The following FHIT variants were observed in gnomAD, a reference collection of about 807,000 sequenced individuals.
FHIT encodes fragile histidine triad diadenosine triphosphatase, also known as bis(5'-adenosyl)-triphosphatase.
FHIT carries 19 observed loss-of-function variants against 17.9 expected under a neutral mutation model. That is an observed-to-expected ratio of 1.06 (90% confidence interval 0.74 to 1.56). The LOEUF (loss-of-function observed/expected upper bound fraction) is 1.56, where lower values mean the gene tolerates loss of function less well. Among genes scored for constraint, FHIT ranks in the 40% most tolerant of loss-of-function variants. FHIT has a pLI of 0.00. For synonymous variants in FHIT, 81 were observed against 69.7 expected (o/e 1.16, Z -0.81); for missense variants, 248 against 189.2 (o/e 1.31, Z -1.82).
At chr3:60,827,932 G>A (rs556174705) in intron 3 of FHIT, among the ~76,000 whole-genome samples, 1 of 152,336 alleles carries the variant, frequency 6.6e-6, no homozygotes, top group Non-Finnish European at 1.5e-5. Context: ...CATGAGGACA[G>A]ATAATTCTGT....
intron 5 of FHIT, among the ~76,000 whole-genome samples, chr3:60,152,818 A>G (rs913584991): frequency 6.6e-6 from 1 of 152,132 alleles, no homozygotes; most frequent in African/African-American, 2.4e-5. Flanking sequence ...ACTTTTTAAA[A>G]ATCATTCCCA....
chr3:60,548,965 C>A lies in FHIT; in HGVS notation c.-17-11986G>T, dbSNP rs1033664213. Among the ~76,000 whole-genome samples the A allele has an allele frequency of 2.0e-5, 3 of 152,172 alleles. No individual in the cohort carries two copies. In the East Asian group the frequency reaches 5.8e-4, roughly 29 times the overall value. On this transcript the variant is annotated intron_variant, in intron 4 of 9. Coordinates refer to ENST00000492590, the MANE Select transcript of FHIT (RefSeq NM_002012.4). The stretch of plus-strand genomic sequence containing the variant: ...TTCCAATTCATTTTATGAACTCAGG[C>A]AAGTTCCTTAGCTTCTTTAAATTTG...
At chr3:60,261,266 C>G (rs1706282924) in intron 5 of FHIT, among the ~76,000 whole-genome samples, 3 of 151,978 alleles carry the variant, frequency 2.0e-5, no homozygotes, top group Admixed American at 2.0e-4. Context: ...TTCTTAGGCT[C>G]TGGATTGGTA....
chr3:61,203,572 T>C (rs976754291), intron 1 of FHIT, among the ~76,000 whole-genome samples: 10 of 152,120 alleles, frequency 6.6e-5, no homozygotes, highest in African/African-American at 7.2e-5. Context: ...AACAGAGAAA[T>C]TAGTAAGCAT....
chr3:60,863,430 C>T (rs2594119), intron 3 of FHIT, among the ~76,000 whole-genome samples: 7,420 of 152,270 alleles, frequency 0.049, 233 homozygotes, highest in South Asian at 0.11. Context: ...TCACTAAATT[C>T]ATCATAGTTT....
intron 5 of FHIT, among the ~76,000 whole-genome samples, chr3:60,308,139 A>T (rs1452596408): frequency 6.6e-6 from 1 of 152,094 alleles, no homozygotes; most frequent in East Asian, 1.9e-4. Context: ...AGCTCAAGTC[A>T]CCCATATAAG....
intron 4 of FHIT, among the ~76,000 whole-genome samples, chr3:60,717,282 G>T (rs902971515): frequency 6.6e-6 from 1 of 151,906 alleles, no homozygotes; most frequent in Non-Finnish European, 1.5e-5. Flanking sequence ...TTGGTAAGAG[G>T]TTAGATCTTA....
chr3:59,785,418 T>C (rs553580059), intron 8 of FHIT, among the ~76,000 whole-genome samples: 2 of 151,914 alleles, frequency 1.3e-5, no homozygotes, highest in African/African-American at 2.4e-5. Context: ...TAAGCAATTC[T>C]CCTGCCTCAA....
intron 4 of FHIT, among the ~76,000 whole-genome samples, chr3:60,569,514 G>T (rs1296901975): frequency 2.0e-5 from 3 of 151,630 alleles, no homozygotes; most frequent in African/African-American, 4.8e-5. Flanking sequence ...TAATGAGTTA[G>T]CAGGATCACC....
chr3:60,882,926 T>C (rs1169069510), intron 3 of FHIT, among the ~76,000 whole-genome samples: 4 of 152,142 alleles, frequency 2.6e-5, no homozygotes, highest in African/African-American at 7.2e-5. Flanking sequence ...AGTCAAATTG[T>C]CCCTGTTTAC....
At chr3:59,902,838 TATAAG>T (rs1341576327) in intron 8 of FHIT, among the ~76,000 whole-genome samples, 11 of 152,284 alleles carry the variant, frequency 7.2e-5, no homozygotes, top group Non-Finnish European at 1.6e-4. Flanking sequence ...AACTTTCAGT[TATAAG>T]ATAAGTAAGT....
intron 5 of FHIT, among the ~76,000 whole-genome samples, chr3:60,473,243 C>T (rs3856654): frequency 0.44 from 66,308 of 152,018 alleles, 15,871 homozygotes; most frequent in African/African-American, 0.62. Context: ...AGATAGCTGG[C>T]TTCTTCGATA....
intron 2 of FHIT, among the ~76,000 whole-genome samples, chr3:61,049,874 G>A (rs1045290407): frequency 7.9e-5 from 12 of 152,034 alleles, no homozygotes; most frequent in Non-Finnish European, 1.8e-4. Context: ...CCATTTTAGA[G>A]GTGCCCTCCT....
At chr3:59,867,585 C>A (rs774653843) in intron 8 of FHIT, among the ~76,000 whole-genome samples, 2 of 152,024 alleles carry the variant, frequency 1.3e-5, no homozygotes, top group Non-Finnish European at 2.9e-5. Flanking sequence ...CTTTATCTCA[C>A]TATCCTCCCC....
intron 5 of FHIT, among the ~76,000 whole-genome samples, chr3:60,162,103 C>G (rs1023727112): frequency 6.6e-6 from 1 of 152,116 alleles, no homozygotes; most frequent in South Asian, 2.1e-4. Flanking sequence ...AAGTCCAGCT[C>G]TGTGAGGAGA....
chr3:60,500,316 T>G (rs1216433925), intron 5 of FHIT, among the ~76,000 whole-genome samples: 1 of 151,526 alleles, frequency 6.6e-6, no homozygotes, highest in Non-Finnish European at 1.5e-5. Context: ...CCTGGTCTAC[T>G]ACACAGTATA....
At chr3:60,881,690 T>C (rs1704988225) in intron 3 of FHIT, among the ~76,000 whole-genome samples, 1 of 151,900 alleles carries the variant, frequency 6.6e-6, no homozygotes, top group Admixed American at 6.6e-5. Flanking sequence ...ATACAGAAAT[T>C]AAGAAGAAAA....
At chr3:61,214,809 A>G (rs1057031700) in intron 1 of FHIT, among the ~76,000 whole-genome samples, 33 of 152,234 alleles carry the variant, frequency 2.2e-4, no homozygotes, top group Non-Finnish European at 4.0e-4. Flanking sequence ...CTTATCCACC[A>G]TGATCAAGTG....
chr3:60,418,376 GTATATATATATATATATA>G (rs869203310), intron 5 of FHIT, among the ~76,000 whole-genome samples: 11 of 14,936 alleles, frequency 7.4e-4, no homozygotes, highest in African/African-American at 2.1e-3. Context: ...CTGAATGTGT[GTATATATATATATATATA>G]TATATATATA....
Sources: allele counts gnomAD v4.1 joint callset (sites outside exome capture counted in the v4.1 genomes callset), GRCh38; gene constraint gnomAD v4.1.1; transcripts MANE v1.5; gene names NCBI Gene and HGNC (gene_info 2026-07-23, HGNC 2026-07-21).